Variants in CACNG7 observed in about 807,000 individuals in gnomAD.
CACNG7 encodes the protein calcium voltage-gated channel auxiliary subunit gamma 7.
CACNG7 carries 9 observed loss-of-function variants against 26.3 expected under a neutral mutation model. That is an observed-to-expected ratio of 0.34 (90% CI 0.21 to 0.60). CACNG7 has a LOEUF of 0.60. CACNG7 is among the 20% of genes least tolerant of loss of function. The probability of loss-of-function intolerance (pLI) is 0.81; values close to 1 mark genes in which losing one functional copy is unlikely to be tolerated. For synonymous variants in CACNG7, 170 were observed against 157.0 expected (o/e 1.08, Z -0.62); for missense variants, 297 against 380.4 (o/e 0.78, Z 1.82).
At chr19:53,937,818 T>G (rs1234468918) in intron 4 of CACNG7, among the ~76,000 whole-genome samples, 1 of 152,012 alleles carries the variant, frequency 6.6e-6, no homozygotes, top group Non-Finnish European at 1.5e-5. Flanking sequence ...CTGAAACCCC[T>G]GGTCTCAAGT....
chr19:53,932,864 C>T lies in CACNG7; in HGVS notation c.425-8606C>T, dbSNP rs2069082117. ...TTTTTTTTTTTTTGAGACTGAGTTC[C>T]GCTCTTGTCGTCCAGGCACTGCAAC... On this transcript the variant is annotated intron_variant, in intron 4 of 5. Coordinates refer to ENST00000391767, the MANE Select transcript of CACNG7 (RefSeq NM_031896.5). Among the ~76,000 whole-genome samples, 3 of 147,898 alleles carry T rather than the reference C, an allele frequency of 2.0e-5. No individual in the cohort carries two copies. The South Asian group carries it at 6.4e-4, about 32-fold the overall frequency.
chr19:53,927,128 C>G (rs919981235), intron 4 of CACNG7, among the ~76,000 whole-genome samples: 5 of 151,994 alleles, frequency 3.3e-5, no homozygotes, highest in South Asian at 2.1e-4. Context: ...CCATGTTGGC[C>G]AGGCTGGTCT....
intron 4 of CACNG7, among the ~76,000 whole-genome samples, chr19:53,921,347 T>TGGTCATTGGTGGACTTGCCCCAGGCC (rs2068948995): frequency 1.1e-5 from 1 of 91,824 alleles, no homozygotes; most frequent in Non-Finnish European, 2.3e-5. Context: ...TGCCCCAGGC[T>TGGTCATTGGTGGACTTGCCCCAGGCC]GGTCATTGGT....
At chr19:53,921,279 G>C (rs527390220) in intron 4 of CACNG7, among the ~76,000 whole-genome samples, 4 of 137,498 alleles carry the variant, frequency 2.9e-5, no homozygotes, top group South Asian at 4.6e-4. Flanking sequence ...GTCATTGGTG[G>C]AGTTGCCTCA....
intron 4 of CACNG7, among the ~76,000 whole-genome samples, chr19:53,941,027 A>T (rs1269928316): frequency 1.3e-5 from 2 of 150,740 alleles, no homozygotes; most frequent in Non-Finnish European, 2.9e-5. Context: ...GGGCCACTGC[A>T]CTCCAGCCCA....
intron 4 of CACNG7, among the ~76,000 whole-genome samples, chr19:53,935,634 CTTTTTTTTTTTT>C (rs59884893): frequency 1.2e-4 from 5 of 42,254 alleles, no homozygotes; most frequent in Admixed American, 9.2e-4. Context: ...CCAATACTGT[CTTTTTTTTTTTT>C]TTTTTTTTTT....
In CACNG7 at chr19:53,942,281, C is replaced by A; in HGVS notation, c.816C>A (p.Thr272=). Residue 272 remains threonine (T), a synonymous_variant, in exon 6 of 6, where the codon ACC becomes ACA. Transcript: ENST00000391767. The surrounding 1 kb of genome is among the most constrained non-coding windows in gnomAD (Gnocchi z 5.9). ...IKYPDHLHIS[T]SPC Reference sequence around the variant, plus strand: ...ACCCGGACCACCTGCACATCTCCACCTCGCCCTGCTGAGGCCCGCCCCTCG... The same window carrying A: ...ACCCGGACCACCTGCACATCTCCACATCGCCCTGCTGAGGCCCGCCCCTCG... 1 of 1,611,410 alleles carries A rather than the reference C, an allele frequency of 6.2e-7. No individual in the cohort carries two copies. The highest frequency in any genetic ancestry group is 8.5e-7 in the Non-Finnish European group (1 of 1,179,220).
In CACNG7 at chr19:53,935,625, C is replaced by A. The variant is rs533197846; in HGVS notation, c.425-5845C>A. On this transcript the variant is annotated intron_variant, in intron 4 of 5. Coordinates refer to ENST00000391767, the MANE Select transcript of CACNG7 (RefSeq NM_031896.5). ...GGCGTGAGCCACCGCCCCCACCCTC[C>A]AATACTGTCTTTTTTTTTTTTTTTT... is the stretch of plus-strand genomic sequence containing the variant. Among the ~76,000 whole-genome samples, 103 of 129,192 alleles carry A rather than the reference C, an allele frequency of 8.0e-4. 1 individual carries two copies. The highest frequency in any genetic ancestry group is 2.6e-3 in the African/African-American group (91 of 34,646). 84.8% of individuals were successfully genotyped at this position (129,192 alleles called of 152,430 possible).
At chr19:53,918,942 G>A (rs775449254) in intron 4 of CACNG7, among the ~76,000 whole-genome samples, 4 of 152,036 alleles carry the variant, frequency 2.6e-5, no homozygotes, top group Non-Finnish European at 5.9e-5. Context: ...CTAATTTTTT[G>A]TATTTTTAGT....
rs2068973845 is a variant in CACNG7 at position 53,922,823 on chromosome 19, T to TCTGGTCATTGGTGCAGTTGC, written c.424+7319_424+7320insTGGTCATTGGTGCAGTTGCC. On this transcript the variant is annotated intron_variant, in intron 4 of 5. Transcript: ENST00000391767. The stretch of plus-strand genomic sequence containing the variant: ...CCAGGTCTGGTCATTGGTGGAGTTG[T>TCTGGTCATTGGTGCAGTTGC]CCCAGGTCTGGTCATTGGTGCAGTT... Among the ~76,000 whole-genome samples, 6 of 53,640 alleles carry TCTGGTCATTGGTGCAGTTGC rather than the reference T, an allele frequency of 1.1e-4. 1 individual carries two copies. Among genetic ancestry groups the TCTGGTCATTGGTGCAGTTGC allele is most frequent in the Non-Finnish European group, 1.8e-4 (6 of 32,706 alleles). 35.2% of individuals were successfully genotyped at this position (53,640 alleles called of 152,430 possible). A position where few individuals can be genotyped will look rare whatever the true frequency, so the allele number is the denominator to read the frequency against.
intron 4 of CACNG7, among the ~76,000 whole-genome samples, chr19:53,933,776 T>C (rs1186665400): frequency 6.6e-6 from 1 of 152,046 alleles, no homozygotes; most frequent in Non-Finnish European, 1.5e-5. Flanking sequence ...TTTGAGATAT[T>C]AGAGTTGATC....
intron 1 of CACNG7, among the ~76,000 whole-genome samples, chr19:53,911,887 A>T (rs1292018242): frequency 6.6e-6 from 1 of 152,324 alleles, no homozygotes; most frequent in East Asian, 1.9e-4. Flanking sequence ...TAGGCTCAAG[A>T]TACAAATCTT....
intron 3 of CACNG7, 51 bp downstream of exon 3, chr19:53,914,637 G>A: frequency 6.6e-7 from 1 of 1,526,328 alleles, no homozygotes; most frequent in Non-Finnish European, 9.1e-7. Flanking sequence ...TCACAGCCGA[G>A]TCGTGGAGTC....
chr19:53,938,536 G>A (rs307914), intron 4 of CACNG7, among the ~76,000 whole-genome samples: 130,687 of 152,248 alleles, frequency 0.86, 56,188 homozygotes, highest in East Asian at 0.97. Flanking sequence ...TCTTGTAACT[G>A]CTCAGCCTTG....
At chr19:53,923,663 T>TCTGGTCACTGGTGGAGTTGTCCTAGGC (rs2068988731) in intron 4 of CACNG7, among the ~76,000 whole-genome samples, 1 of 132,082 alleles carries the variant, frequency 7.6e-6, no homozygotes, top group African/African-American at 3.0e-5. Flanking sequence ...TTGCCCCAGG[T>TCTGGTCACTGGTGGAGTTGTCCTAGGC]CTGGTCATTG....
chr19:53,919,586 C>T (rs1326329435), intron 4 of CACNG7, among the ~76,000 whole-genome samples: 1 of 144,142 alleles, frequency 6.9e-6, no homozygotes, highest in Non-Finnish European at 1.5e-5. Context: ...TGGACTTGCC[C>T]CAGGCTGGTC....
intron 4 of CACNG7, among the ~76,000 whole-genome samples, chr19:53,941,038 G>C (rs571180463): frequency 6.8e-6 from 1 of 147,082 alleles, no homozygotes; most frequent in South Asian, 2.2e-4. Context: ...CTCCAGCCCA[G>C]GCCACAGAGT....
At position 53,912,760 on chromosome 19, in the gene CACNG7, G is replaced by T; in HGVS notation, c.-29-43G>T. On this transcript the variant is annotated intron_variant, in intron 1 of 5. Transcript: ENST00000391767. The surrounding 1 kb of genome is among the most constrained non-coding windows in gnomAD (Gnocchi z 4.6). The stretch of plus-strand genomic sequence containing the variant: ...GTTGCTGCATGGGGTCAAGCACTCT[G>T]GTCGGTCCCATGGAGCTCTGCACTG... 1 of 1,518,218 alleles carries T rather than the reference G, an allele frequency of 6.6e-7. No individual in the cohort carries two copies. Among genetic ancestry groups the T allele is most frequent in the African/African-American group, 1.4e-5 (1 of 73,158 alleles). 94.0% of individuals were successfully genotyped at this position (1,518,218 alleles called of 1,614,324 possible).
Position 53,935,273 on chromosome 19 carries a change from T to C in CACNG7, c.425-6197T>C, listed in dbSNP as rs554089531. 2.2e-4 allele frequency among the ~76,000 whole-genome samples: 33 copies of C among 152,112 alleles called. 1 individual carries two copies. In the South Asian group the frequency reaches 6.4e-3, roughly 30 times the overall value. ...GAAGTTTAAGGTCTATAAAATACTATAGCTAATATCTAGTCCTACATTTAA... is the reference window on the plus strand; with the variant it reads ...GAAGTTTAAGGTCTATAAAATACTACAGCTAATATCTAGTCCTACATTTAA... On this transcript the variant is annotated intron_variant, in intron 4 of 5. Coordinates refer to ENST00000391767, the MANE Select transcript of CACNG7 (RefSeq NM_031896.5).
Sources: gnomAD v4.1 joint callset for allele counts (sites outside exome capture counted in the v4.1 genomes callset) on GRCh38, gnomAD v4.1.1 for gene constraint, Gnocchi (gnomAD v3.1) non-coding constraint, MANE v1.5 for transcripts, NCBI Gene and HGNC (gene_info 2026-07-23, HGNC 2026-07-21) for gene names.